Variants in CNOT1 observed in about 807,000 individuals in gnomAD.
The protein encoded by CNOT1 is CCR4-NOT transcription complex subunit 1, also known as CCR4-associated factor 1.
In CNOT1, 15 loss-of-function variants were observed where a neutral mutation model predicts 273.8. The observed-to-expected ratio is 0.05, with a 90% confidence interval of 0.04 to 0.08. CNOT1 has a LOEUF of 0.08. Ranked by LOEUF, CNOT1 falls within the 10% of genes least tolerant of loss-of-function variation. The pLI is 1.00. For synonymous variants in CNOT1, 1,022 were observed against 1,005.5 expected (o/e 1.02, Z -0.31); for missense variants, 1,644 against 2,912.2 (o/e 0.56, Z 10.02).
rs1017238397 is a variant in CNOT1 at position 58,589,027 on chromosome 16, T to C, written c.103-121A>G. 61 of 1,274,458 alleles carry C rather than the reference T, an allele frequency of 4.8e-5. No individual in the cohort carries two copies. In the African/African-American group the frequency reaches 8.7e-4, roughly 18 times the overall value. 78.9% of individuals were successfully genotyped at this position (1,274,458 alleles called of 1,614,324 possible). ...TCCAATTTACATTAGTTACTCATTT[T>C]TGAATTAAAGTTAAAGGAATTATTG... On this transcript the variant is annotated intron_variant, in intron 2 of 48. Transcript: ENST00000317147.
Position 58,542,285 on chromosome 16 carries a change from A to G in CNOT1, c.4626T>C (p.Asp1542=), listed in dbSNP as rs1462029222. The G allele has an allele frequency of 6.2e-7, 1 of 1,614,192 alleles. No individual in the cohort carries two copies. Residue 1542 remains aspartate, a synonymous_variant, in exon 33 of 49, where the codon GAT becomes GAC. Coordinates refer to ENST00000317147, the MANE Select transcript of CNOT1 (RefSeq NM_016284.5). ...CAGCTTGATATGTTAAAACAACAGG[A>G]TCACAGTATCTGCGTCCTTCTTGCC... ...HARQEGRRYC[D]PVVLTYQAER...
At position 58,604,609 on chromosome 16, in the gene CNOT1, C is replaced by T. The variant is rs1597578014; in HGVS notation, c.-174-5098G>A. Among the ~76,000 whole-genome samples, 4 of 143,318 alleles carry T rather than the reference C, an allele frequency of 2.8e-5. 2 individuals carry two copies. The highest frequency in any genetic ancestry group is 1.0e-4 in the African/African-American group (4 of 38,606). The allele number at this position is 143,318 out of a possible 152,430, so 94.0% of individuals were successfully genotyped here. On this transcript the variant is annotated intron_variant, in intron 1 of 48. Coordinates refer to ENST00000317147, the MANE Select transcript of CNOT1 (RefSeq NM_016284.5). ...CCAGCCTGACCAACATGGAGAAACCCCATCTCTGCTATAAAAAAAAAAAAA... is the reference window on the plus strand; with the variant it reads ...CCAGCCTGACCAACATGGAGAAACCTCATCTCTGCTATAAAAAAAAAAAAA...
At chr16:58,570,792 G>A (rs1284784758) in intron 16 of CNOT1, among the ~76,000 whole-genome samples, 1 of 152,114 alleles carries the variant, frequency 6.6e-6, no homozygotes, top group Non-Finnish European at 1.5e-5. Context: ...TAAAATGTTA[G>A]TTTTAATACC....
chr16:58,601,384 A>G (rs1333231394), intron 1 of CNOT1, among the ~76,000 whole-genome samples: 1 of 152,192 alleles, frequency 6.6e-6, no homozygotes, highest in Non-Finnish European at 1.5e-5. Context: ...GGCGTGAGCC[A>G]CTGCGTCCAG....
chr16:58,590,505 GA>G (rs770619789), intron 2 of CNOT1, among the ~76,000 whole-genome samples: 9 of 152,090 alleles, frequency 5.9e-5, no homozygotes, highest in Non-Finnish European at 1.0e-4. Context: ...TGATGTATGA[GA>G]ATCGCTTGAA....
At position 58,543,843 on chromosome 16, in the gene CNOT1, C is replaced by A. The variant is rs1168848404; in HGVS notation, c.4198G>T (p.Ala1400Ser). The change falls in exon 31 of 49, where the codon GCT (alanine) becomes TCT (serine). Residue 1400 changes from alanine to serine, a missense_variant. Physicochemically the swap from Ala to Ser is moderately conservative, Grantham distance 99. Coordinates refer to ENST00000317147, the MANE Select transcript of CNOT1 (RefSeq NM_016284.5). ...ACAGGATGGACCAGCTCCTGGACAG[C>A]CCGTTCAATTGCCTGACGCACACAC... ...KQCVRQAIER[A>S]VQELVHPVVD... 6.2e-7 allele frequency: 1 copy of A among 1,614,046 alleles called. No individual in the cohort carries two copies. Among genetic ancestry groups the A allele is most frequent in the East Asian group, 2.2e-5 (1 of 44,872 alleles).
At chr16:58,551,298 A>C in intron 23 of CNOT1, 26 bp from the exon 24 acceptor site, 1 of 1,550,272 alleles carries the variant, frequency 6.5e-7, no homozygotes, top group Admixed American at 2.2e-5. Context: ...AAAGTACATA[A>C]GGCAAATAAG....
intron 22 of CNOT1, 121 bp downstream of exon 22, chr16:58,553,661 A>T: frequency 7.9e-7 from 1 of 1,263,344 alleles, no homozygotes; most frequent in South Asian, 2.0e-5. Context: ...GTGTACCTAT[A>T]TCATGCCAAT....
At chr16:58,629,540 G>C (rs8044163) in intron 1 of CNOT1, among the ~76,000 whole-genome samples, 188 bp downstream of exon 1, 1 of 152,224 alleles carries the variant, frequency 6.6e-6, no homozygotes, top group Non-Finnish European at 1.5e-5. Flanking sequence ...TCCGAGAGCC[G>C]TGTGGAGAAG....
chr16:58,559,067 A>T (rs2040742259), intron 17 of CNOT1, among the ~76,000 whole-genome samples: 1 of 152,236 alleles, frequency 6.6e-6, no homozygotes, highest in African/African-American at 2.4e-5. Flanking sequence ...ATATACACAT[A>T]ACCAGAATGT....
intron 2 of CNOT1, among the ~76,000 whole-genome samples, chr16:58,594,176 G>A (rs1221928895): frequency 6.6e-6 from 1 of 152,052 alleles, no homozygotes; most frequent in Non-Finnish European, 1.5e-5. Context: ...CCCGGGAGGC[G>A]GAGGTTGCAG....
At chr16:58,582,684 CTT>C (rs1395963495) in intron 10 of CNOT1, 107 bp downstream of exon 10, 25 of 703,542 alleles carry the variant, frequency 3.6e-5, no homozygotes, top group East Asian at 2.0e-4. Flanking sequence ...AACTTGGACA[CTT>C]TATTACTTTT....
rs184767874 is a variant in CNOT1, at chr16:58,561,647, C to T, written c.1980-1285G>A. 3.9e-5 allele frequency among the ~76,000 whole-genome samples: 6 copies of T among 152,210 alleles called. No individual in the cohort carries two copies. In the East Asian group the frequency reaches 7.7e-4, roughly 20 times the overall value. ...CAAATCTGAGAATCTGAATACCAAACGCTACAAAATCTAAAACTTTTTGAA... is the reference window on the plus strand; with the variant it reads ...CAAATCTGAGAATCTGAATACCAAATGCTACAAAATCTAAAACTTTTTGAA... On this transcript the variant is annotated intron_variant, in intron 16 of 48. Transcript: ENST00000317147.
intron 41 of CNOT1, 70 bp downstream of exon 41, chr16:58,532,162 G>A: frequency 1.2e-6 from 2 of 1,605,816 alleles, no homozygotes; most frequent in South Asian, 1.1e-5. Flanking sequence ...ATGCTCAAGA[G>A]TTCTACTCCC....
At chr16:58,568,246 T>C (rs2041127958) in intron 16 of CNOT1, among the ~76,000 whole-genome samples, 1 of 152,070 alleles carries the variant, frequency 6.6e-6, no homozygotes, top group Non-Finnish European at 1.5e-5. Flanking sequence ...TGCATGCCTG[T>C]AATCCTAGCT....
intron 7 of CNOT1, 30 bp from the exon 8 acceptor site, chr16:58,585,536 T>C (rs755732544): frequency 3.8e-6 from 6 of 1,592,506 alleles, no homozygotes; most frequent in South Asian, 3.4e-5. Flanking sequence ...ACAACTGCTA[T>C]ACTAATTAAA....
At position 58,555,529 on chromosome 16, in the gene CNOT1, T is replaced by C. The variant is rs148921058; in HGVS notation, c.2613A>G (p.Glu871=). ...TAGAGTCTTTAAATCTCTGCAGCAT[T>C]TCTAATACCTGGAAAAGCAAGACAA... ...HPTMSVDEVL[E]MLQRFKDSTI... Residue 871 remains glutamate, a synonymous_variant, in exon 21 of 49, where the codon GAA becomes GAG. Coordinates refer to ENST00000317147, the MANE Select transcript of CNOT1 (RefSeq NM_016284.5). 1.3e-4 allele frequency: 210 copies of C among 1,610,988 alleles called. No homozygotes were observed. The African/African-American group carries it at 2.2e-3, about 17-fold the overall frequency.
At chr16:58,596,012 C>T (rs563466839) in intron 2 of CNOT1, among the ~76,000 whole-genome samples, 60 of 152,218 alleles carry the variant, frequency 3.9e-4, no homozygotes, top group African/African-American at 1.3e-3. Flanking sequence ...ATGAAGGTAC[C>T]GCAAATGGGT....
intron 1 of CNOT1, among the ~76,000 whole-genome samples, chr16:58,604,309 G>A (rs2042583795): frequency 6.6e-6 from 1 of 152,104 alleles, no homozygotes. Flanking sequence ...TATTTATTTA[G>A]AGAATTAATT....
Sources: allele counts gnomAD v4.1 joint callset (sites outside exome capture counted in the v4.1 genomes callset), GRCh38; gene constraint gnomAD v4.1.1; transcripts MANE v1.5; gene names NCBI Gene and HGNC (gene_info 2026-07-23, HGNC 2026-07-21).